SORCS1: variants seen among roughly 807,000 people sequenced by gnomAD.
The protein encoded by SORCS1 is VPS10 domain-containing receptor SorCS1.
In SORCS1, 60 loss-of-function variants were observed where a neutral mutation model predicts 146.1. The ratio of observed to expected loss-of-function variants is 0.41; its 90% CI spans 0.33 to 0.51. SORCS1 has a LOEUF of 0.51. Among genes scored for constraint, SORCS1 ranks in the 20% least tolerant of loss-of-function variants. The probability of loss-of-function intolerance (pLI) is 0.21; values close to 1 mark genes in which losing one functional copy is unlikely to be tolerated. For synonymous variants in SORCS1, 637 were observed against 584.0 expected (o/e 1.09, Z -1.31); for missense variants, 1,352 against 1,487.6 (o/e 0.91, Z 1.50).
intron 1 of SORCS1, among the ~76,000 whole-genome samples, chr10:107,016,607 C>A (rs1323917687): frequency 1.3e-5 from 2 of 152,166 alleles, no homozygotes; most frequent in Non-Finnish European, 2.9e-5. Flanking sequence ...ATCTTTGTGA[C>A]CTTGGAGTAA....
chr10:107,053,143 CTCTACTG>C (rs575359827), intron 1 of SORCS1, among the ~76,000 whole-genome samples: 183 of 152,298 alleles, frequency 1.2e-3, no homozygotes, highest in African/African-American at 4.3e-3. Context: ...AATTATTTCA[CTCTACTG>C]TCTAAGAAAC....
intron 1 of SORCS1, among the ~76,000 whole-genome samples, chr10:107,118,995 C>T (rs1249069459): frequency 6.6e-6 from 1 of 152,172 alleles, no homozygotes; most frequent in African/African-American, 2.4e-5. Context: ...CAGATGAGAA[C>T]TCCCACATGA....
chr10:106,779,214 T>C (rs1216958199), intron 3 of SORCS1, among the ~76,000 whole-genome samples: 1 of 152,176 alleles, frequency 6.6e-6, no homozygotes, highest in African/African-American at 2.4e-5. Flanking sequence ...TTGGAAATAA[T>C]GGGAAATAGA....
chr10:107,153,354 A>G (rs768955800), intron 1 of SORCS1, among the ~76,000 whole-genome samples: 21 of 152,184 alleles, frequency 1.4e-4, no homozygotes, highest in Admixed American at 2.0e-4. Flanking sequence ...AAGAGCGCAC[A>G]TATTTATTAT....
intron 5 of SORCS1, among the ~76,000 whole-genome samples, chr10:106,752,449 T>G (rs750390862): frequency 6.6e-6 from 1 of 152,132 alleles, no homozygotes; most frequent in Non-Finnish European, 1.5e-5. Flanking sequence ...ATTGCTAAAA[T>G]AAATAAGGAC....
chr10:107,053,908 A>G (rs559864060), intron 1 of SORCS1, among the ~76,000 whole-genome samples: 6 of 152,230 alleles, frequency 3.9e-5, no homozygotes, highest in South Asian at 2.1e-4. Context: ...CAGAGTCCCT[A>G]TGGGGGTAAA....
chr10:107,061,733 T>C (rs1056034657), intron 1 of SORCS1, among the ~76,000 whole-genome samples: 4 of 152,216 alleles, frequency 2.6e-5, no homozygotes, highest in Non-Finnish European at 5.9e-5. Flanking sequence ...ACTTATGGCT[T>C]CATTTTATCT....
chr10:107,167,791 T>C (rs867581324), upstream of SORCS1, among the ~76,000 whole-genome samples: 5 of 151,928 alleles, frequency 3.3e-5, no homozygotes, highest in Admixed American at 6.6e-5. Flanking sequence ...AACATATGTA[T>C]ATATATTCAT....
chr10:106,579,306 C>T (rs1159116237), intron 25 of SORCS1, 63 bp downstream of exon 25: 9 of 1,613,900 alleles, frequency 5.6e-6, no homozygotes, highest in Non-Finnish European at 7.6e-6. Flanking sequence ...ACACATGCTT[C>T]TGAACCTGTC....
chr10:106,768,506 G>A (rs768168993), intron 4 of SORCS1, among the ~76,000 whole-genome samples: 27 of 152,162 alleles, frequency 1.8e-4, no homozygotes, highest in Non-Finnish European at 3.1e-4. Flanking sequence ...TTAAGGGGCT[G>A]CTAGGTCTAT....
intron 5 of SORCS1, among the ~76,000 whole-genome samples, chr10:106,733,858 A>G (rs1251439656): frequency 2.0e-5 from 3 of 152,202 alleles, no homozygotes; most frequent in Non-Finnish European, 4.4e-5. Context: ...TATCCGACAC[A>G]TATCACTGTC....
chr10:106,810,348 T>C (rs1369413911), intron 3 of SORCS1, among the ~76,000 whole-genome samples: 2 of 152,238 alleles, frequency 1.3e-5, no homozygotes, highest in Admixed American at 6.5e-5. Flanking sequence ...GGCAATGATA[T>C]ATGTTAGAAT....
intron 1 of SORCS1, among the ~76,000 whole-genome samples, chr10:106,962,513 A>G (rs1955282394): frequency 6.6e-6 from 1 of 152,168 alleles, no homozygotes. Context: ...CAACTGTGGA[A>G]GCAGTATCAA....
chr10:106,591,693 A>T (rs1845612133), intron 24 of SORCS1, among the ~76,000 whole-genome samples: 1 of 152,250 alleles, frequency 6.6e-6, no homozygotes, highest in South Asian at 2.1e-4. Context: ...GAAATTAAAT[A>T]GGAGTGATTC....
intron 1 of SORCS1, among the ~76,000 whole-genome samples, chr10:107,158,160 C>A (rs1478911558): frequency 1.3e-5 from 2 of 152,230 alleles, no homozygotes; most frequent in East Asian, 3.9e-4. Context: ...AATGATGACT[C>A]CAGCTAAGAT....
intron 1 of SORCS1, among the ~76,000 whole-genome samples, chr10:107,031,196 T>TAAG (rs1958635604): frequency 6.6e-6 from 1 of 152,250 alleles, no homozygotes; most frequent in African/African-American, 2.4e-5. Flanking sequence ...TCCTTTTTTC[T>TAAG]AACCCCTGGA....
At chr10:107,064,314 C>T (rs1961532583) in intron 1 of SORCS1, among the ~76,000 whole-genome samples, 1 of 152,106 alleles carries the variant, frequency 6.6e-6, no homozygotes, top group Non-Finnish European at 1.5e-5. Context: ...CCTCTGACAC[C>T]CACAATCAAT....
In SORCS1 at chr10:106,852,627, CAA is replaced by C. The variant is rs370300215; in HGVS notation, c.627-22956_627-22955del. ...TGGGTGACAGAGCGAGACCCTGTCTCAAAAAAAAAAAAAAAAAAAAGAAAGAA... is the reference window on the plus strand; with the variant it reads ...TGGGTGACAGAGCGAGACCCTGTCTCAAAAAAAAAAAAAAAAAAGAAAGAA... On this transcript the variant is annotated intron_variant, in intron 2 of 25. Coordinates refer to ENST00000263054, the MANE Select transcript of SORCS1 (RefSeq NM_052918.5). 6.4e-4 allele frequency among the ~76,000 whole-genome samples: 54 copies of C among 85,030 alleles called. 1 individual carries two copies. The highest frequency in any genetic ancestry group is 4.3e-4 in the Admixed American group (3 of 6,932). The allele number at this position is 85,030 out of a possible 152,430, so 55.8% of individuals were successfully genotyped here. A position where few individuals can be genotyped will look rare whatever the true frequency, so the allele number is the denominator to read the frequency against.
Position 106,579,475 on chromosome 10 carries a change from C to G in SORCS1, c.3266-1G>C, listed in dbSNP as rs1236299624. 1.9e-6 allele frequency: 3 copies of G among 1,613,446 alleles called. No homozygotes were observed. The highest frequency in any genetic ancestry group is 2.5e-6 in the Non-Finnish European group (3 of 1,179,806). The stretch of plus-strand genomic sequence containing the variant: ...GTTGGAGTGAGGTCCACCAGGGGGG[C>G]TTGTGGGGGAAACAGAGCAGAGAAA... On this transcript the variant is annotated splice_acceptor_variant, in intron 24 of 25. Transcript: ENST00000263054. LOFTEE classifies it high-confidence loss of function.
Sources: allele counts gnomAD v4.1 joint callset (sites outside exome capture counted in the v4.1 genomes callset), GRCh38; gene constraint gnomAD v4.1.1; transcripts MANE v1.5; gene names NCBI Gene and HGNC (gene_info 2026-07-23, HGNC 2026-07-21).